The following STX8 variants were observed in gnomAD, a reference collection of about 807,000 sequenced individuals.
STX8 encodes the protein syntaxin 8.
STX8 carries 23 observed loss-of-function variants against 37.5 expected under a neutral mutation model. The ratio of observed to expected loss-of-function variants is 0.61; its 90% CI spans 0.44 to 0.87. The LOEUF (loss-of-function observed/expected upper bound fraction) is 0.87. STX8 is among the 40% of genes least tolerant of loss of function. The probability of loss-of-function intolerance (pLI) is 0.00; values close to 1 mark genes in which losing one functional copy is unlikely to be tolerated. For missense variants in STX8, 313 were observed against 284.7 expected, an observed-to-expected ratio of 1.10 and a Z score of -0.71; for synonymous variants, 115 against 99.1, an observed-to-expected ratio of 1.16 and a Z score of -0.95.
chr17:9,473,274 C>T (rs1905956494), intron 6 of STX8, among the ~76,000 whole-genome samples: 1 of 152,142 alleles, frequency 6.6e-6, no homozygotes, highest in African/African-American at 2.4e-5. Context: ...CCGTCTTGGC[C>T]TCCCAAAGTG....
intron 7 of STX8, among the ~76,000 whole-genome samples, chr17:9,255,966 C>T (rs1906781337): frequency 1.3e-5 from 2 of 152,224 alleles, no homozygotes; most frequent in African/African-American, 4.8e-5. Flanking sequence ...GAGTTTCTCT[C>T]CTCTGAAGGA....
At chr17:9,355,483 C>T (rs529067380) in intron 7 of STX8, among the ~76,000 whole-genome samples, 1 of 150,784 alleles carries the variant, frequency 6.6e-6, no homozygotes, top group Admixed American at 6.6e-5. Flanking sequence ...TACAGGCATG[C>T]ACCACCACAC....
intron 2 of STX8, among the ~76,000 whole-genome samples, chr17:9,562,601 GA>G (rs748400596): frequency 0.046 from 2,286 of 49,338 alleles, 61 homozygotes; most frequent in African/African-American, 0.082. Flanking sequence ...ACAGTTCACA[GA>G]AAAAAAAAAA....
intron 7 of STX8, among the ~76,000 whole-genome samples, chr17:9,301,351 T>G (rs549694210): frequency 7.9e-4 from 121 of 152,324 alleles, no homozygotes; most frequent in Middle Eastern, 3.4e-3. Flanking sequence ...ATTACAAGGC[T>G]TTACTCCATT....
intron 7 of STX8, among the ~76,000 whole-genome samples, chr17:9,358,870 C>T (rs1474620259): frequency 6.6e-6 from 1 of 152,074 alleles, no homozygotes; most frequent in Non-Finnish European, 1.5e-5. Flanking sequence ...ACAGGAAACT[C>T]CGGGAGCACC....
At chr17:9,392,120 G>A (rs1912243880) in intron 6 of STX8, among the ~76,000 whole-genome samples, 1 of 152,130 alleles carries the variant, frequency 6.6e-6, no homozygotes, top group South Asian at 2.1e-4. Context: ...GCAATTGCCT[G>A]CTAAAATAAA....
At chr17:9,465,024 T>A (rs1005523123) in intron 6 of STX8, among the ~76,000 whole-genome samples, 1 of 151,996 alleles carries the variant, frequency 6.6e-6, no homozygotes, top group Non-Finnish European at 1.5e-5. Context: ...CCCGGCCTCA[T>A]CCTCTTATAC....
intron 7 of STX8, among the ~76,000 whole-genome samples, chr17:9,364,538 A>AT (rs896954059): frequency 1.6e-4 from 24 of 151,266 alleles, no homozygotes; most frequent in Non-Finnish European, 2.2e-4. Context: ...TGTTGTTTAT[A>AT]TTTTTTTTTG....
At chr17:9,325,775 C>T (rs549596760) in intron 7 of STX8, among the ~76,000 whole-genome samples, 4 of 152,350 alleles carry the variant, frequency 2.6e-5, no homozygotes, top group African/African-American at 9.6e-5. Flanking sequence ...CTTCACCATA[C>T]GGGTCTTGGC....
chr17:9,267,655 C>CA (rs1567760603), intron 7 of STX8, among the ~76,000 whole-genome samples: 1 of 152,104 alleles, frequency 6.6e-6, no homozygotes, highest in Non-Finnish European at 1.5e-5. Flanking sequence ...TTTATGCACT[C>CA]AAAAAATCCT....
At chr17:9,442,051 C>T (rs1904681173) in intron 6 of STX8, among the ~76,000 whole-genome samples, 2 of 152,102 alleles carry the variant, frequency 1.3e-5, no homozygotes, top group Admixed American at 6.6e-5. Context: ...GATTCAAAAG[C>T]AGCATACTAT....
At chr17:9,431,982 A>C (rs1048196795) in intron 6 of STX8, among the ~76,000 whole-genome samples, 1 of 152,186 alleles carries the variant, frequency 6.6e-6, no homozygotes, top group Non-Finnish European at 1.5e-5. Context: ...TTTTCTAATA[A>C]AATCAAACAT....
intron 6 of STX8, among the ~76,000 whole-genome samples, chr17:9,468,856 C>A (rs1479536154): frequency 6.6e-6 from 1 of 152,182 alleles, no homozygotes; most frequent in East Asian, 1.9e-4. Flanking sequence ...GTCGTCAAAG[C>A]CAGCCGCTCC....
chr17:9,323,895 A>G (rs1439561035), intron 7 of STX8, among the ~76,000 whole-genome samples: 1 of 152,174 alleles, frequency 6.6e-6, no homozygotes, highest in Non-Finnish European at 1.5e-5. Flanking sequence ...GAATGCACGC[A>G]GGTGCTGGAG....
At chr17:9,416,369 G>A (rs908090213) in intron 6 of STX8, among the ~76,000 whole-genome samples, 1 of 148,708 alleles carries the variant, frequency 6.7e-6, no homozygotes, top group Non-Finnish European at 1.5e-5. Flanking sequence ...TTAGTTTGTA[G>A]TTTAATTTTT....
intron 7 of STX8, among the ~76,000 whole-genome samples, chr17:9,373,956 AG>A (rs1454736692): frequency 4.5e-4 from 68 of 151,262 alleles, no homozygotes; most frequent in Non-Finnish European, 8.6e-4. Flanking sequence ...AAAAAAAAAA[AG>A]TTCTGGACAG....
At chr17:9,290,870 C>A (rs1178244103) in intron 7 of STX8, among the ~76,000 whole-genome samples, 3 of 152,188 alleles carry the variant, frequency 2.0e-5, no homozygotes, top group Admixed American at 6.5e-5. Flanking sequence ...GTAACCCTGT[C>A]CCCTGGGAGG....
chr17:9,418,520 AAAAAAAAAAAAC>A (rs1413405376), intron 6 of STX8, among the ~76,000 whole-genome samples: 9 of 150,436 alleles, frequency 6.0e-5, no homozygotes, highest in Non-Finnish European at 1.2e-4. Context: ...TTTTTCTAAA[AAAAAAAAAAAAC>A]AAAAAAAAAA....
chr17:9,400,116 T>A (rs1018518309), intron 6 of STX8, among the ~76,000 whole-genome samples: 82 of 150,980 alleles, frequency 5.4e-4, no homozygotes, highest in African/African-American at 1.9e-3. Context: ...ATTTTTTTTT[T>A]TTTTGAGACG....
Sources: gnomAD v4.1 joint callset for allele counts (sites outside exome capture counted in the v4.1 genomes callset) on GRCh38, gnomAD v4.1.1 for gene constraint, MANE v1.5 for transcripts, NCBI Gene and HGNC (gene_info 2026-07-23, HGNC 2026-07-21) for gene names.